The following FNDC7 variants were observed in gnomAD, a reference collection of about 807,000 sequenced individuals.
FNDC7 encodes fibronectin type III domain-containing protein 7.
FNDC7 carries 66 observed loss-of-function variants against 74.2 expected under a neutral mutation model. That is an observed-to-expected ratio of 0.89 (90% CI 0.73 to 1.09). The LOEUF (loss-of-function observed/expected upper bound fraction) is 1.09. Among genes scored for constraint, FNDC7 ranks in the 50% least tolerant of loss-of-function variants. The pLI, the probability that FNDC7 is intolerant of heterozygous loss-of-function variation, is 0.00. For missense variants in FNDC7, 829 were observed against 893.4 expected (o/e 0.93, Z 0.92); for synonymous variants, 307 against 330.2 (o/e 0.93, Z 0.76).
rs1263089639 is a variant in FNDC7 at position 108,729,003 on chromosome 1, G to A, written c.1624+117G>A. On this transcript the variant is annotated intron_variant, in intron 8 of 12. Transcript: ENST00000370017. ...GTGCAACAGAAATACATTAAACTCAGAGACGTTTCAAAGAGTCCCGGTCAT... is the reference window on the plus strand; with the variant it reads ...GTGCAACAGAAATACATTAAACTCAAAGACGTTTCAAAGAGTCCCGGTCAT... The A allele has an allele frequency of 3.8e-6, 5 of 1,320,706 alleles. No homozygotes were observed. In the East Asian group the frequency reaches 1.2e-4, roughly 31 times the overall value. 81.8% of individuals were successfully genotyped at this position (1,320,706 alleles called of 1,614,324 possible). A position where few individuals can be genotyped will look rare whatever the true frequency, so the allele number is the denominator to read the frequency against.
At chr1:108,717,424 A>G (rs1251023437) in intron 2 of FNDC7, among the ~76,000 whole-genome samples, 2 of 145,670 alleles carry the variant, frequency 1.4e-5, no homozygotes, top group Non-Finnish European at 3.0e-5. Context: ...GGAGTAGAAT[A>G]CTCTGGAAGA....
rs1321901083 is a variant in FNDC7, at chr1:108,733,306, G to T, written c.1914G>T (p.Arg638Ser). 6.2e-7 allele frequency: 1 copy of T among 1,614,018 alleles called. No individual in the cohort carries two copies. Among genetic ancestry groups the T allele is most frequent in the South Asian group, 1.1e-5 (1 of 91,082 alleles). Residue 638 changes from arginine to serine, a missense_variant, in exon 10 of 13, where the codon AGG becomes AGT. Physicochemically the swap from Arg to Ser is moderately radical, Grantham distance 110. Coordinates refer to ENST00000370017, the MANE Select transcript of FNDC7 (RefSeq NM_001144937.3). Reference sequence around the variant, plus strand: ...GCCCTTTGGGGGTGAAATTATATAGGCTGGGCCCTAATGGCATCCGGATCT... The same window carrying T: ...GCCCTTTGGGGGTGAAATTATATAGTCTGGGCCCTAATGGCATCCGGATCT... Reference protein sequence around the residue: ...ACCPLGVKLYRLGPNGIRIYW... With the variant: ...ACCPLGVKLYSLGPNGIRIYW...
chr1:108,715,231 T>C (rs1199406648), intron 2 of FNDC7, among the ~76,000 whole-genome samples: 1 of 152,206 alleles, frequency 6.6e-6, no homozygotes, highest in Non-Finnish European at 1.5e-5. Flanking sequence ...TGGGCTAATT[T>C]AGATCTCTTT....
chr1:108,714,826 C>T (rs1458804344), intron 2 of FNDC7, among the ~76,000 whole-genome samples: 2 of 151,932 alleles, frequency 1.3e-5, no homozygotes, highest in African/African-American at 4.8e-5. Context: ...ATCACCTGAC[C>T]TCATGATCCG....
rs377221440 is a variant in FNDC7, at chr1:108,717,936, C to T, written c.242C>T (p.Thr81Met). Reference protein sequence around the residue: ...TTVANSPGTVTGLKAATWYEI... With the variant: ...TTVANSPGTVMGLKAATWYEI... Reference sequence around the variant, plus strand: ...GTGGCCAATTCCCCAGGCACTGTGACGGGACTAAAGGCTGCAACCTGGTAT... The same window carrying T: ...GTGGCCAATTCCCCAGGCACTGTGATGGGACTAAAGGCTGCAACCTGGTAT... The change falls in exon 3 of 13, where the codon ACG (threonine) becomes ATG (methionine). Residue 81 changes from threonine (T) to methionine (M), a missense_variant. Thr to Met is a moderately conservative substitution (Grantham distance 81). Transcript: ENST00000370017. 9.0e-5 allele frequency: 140 copies of T among 1,551,714 alleles called. 1 individual carries two copies. Among genetic ancestry groups the T allele is most frequent in the Middle Eastern group, 6.7e-4 (4 of 5,992 alleles).
chr1:108,717,301 A>T (rs1165102617), intron 2 of FNDC7, among the ~76,000 whole-genome samples: 4 of 152,194 alleles, frequency 2.6e-5, no homozygotes, highest in Non-Finnish European at 2.9e-5. Context: ...GCAGCCACTG[A>T]GCGGAGGCAG....
chr1:108,715,107 G>A (rs888199712), intron 2 of FNDC7, among the ~76,000 whole-genome samples: 1 of 152,258 alleles, frequency 6.6e-6, no homozygotes, highest in Non-Finnish European at 1.5e-5. Context: ...CTTTTCAACA[G>A]ATAGAATGTG....
At chr1:108,724,768 T>A (rs751631710) in intron 5 of FNDC7, among the ~76,000 whole-genome samples, 5 of 148,884 alleles carry the variant, frequency 3.4e-5, no homozygotes, top group Non-Finnish European at 7.4e-5. Context: ...AAAAAAAAAT[T>A]AATTAATTAA....
intron 2 of FNDC7, among the ~76,000 whole-genome samples, chr1:108,716,136 T>G (rs11102287): frequency 0.24 from 36,634 of 152,054 alleles, 4,626 homozygotes; most frequent in Middle Eastern, 0.3. Context: ...CGGCCTCCTG[T>G]GTCTGTGGCC....
rs1334438178 is a variant in FNDC7, at chr1:108,720,663, G to A, written c.598+1614G>A. 2.6e-5 allele frequency among the ~76,000 whole-genome samples: 4 copies of A among 152,190 alleles called. No homozygotes were observed. In the East Asian group the frequency reaches 7.7e-4, roughly 29 times the overall value. On this transcript the variant is annotated intron_variant, in intron 4 of 12. Transcript: ENST00000370017. The stretch of plus-strand genomic sequence containing the variant: ...GCTAGGTTGGTTCCTTCTGAGGGAT[G>A]TGAGGAAGAATCTGTTCCAGGCCTC...
chr1:108,729,580 A>G (rs914627913), intron 8 of FNDC7, among the ~76,000 whole-genome samples: 3 of 152,158 alleles, frequency 2.0e-5, no homozygotes, highest in Non-Finnish European at 4.4e-5. Flanking sequence ...CTGACTTTCA[A>G]TTTCCTGATA....
chr1:108,722,554 G>T lies in FNDC7; in HGVS notation c.818G>T (p.Gly273Val), dbSNP rs1351181884. Reference protein sequence around the residue: ...LISVLASNDAGSSKSSSAMTL... With the variant: ...LISVLASNDAVSSKSSSAMTL... Reference sequence around the variant, plus strand: ...TCAGTTTTAGCAAGTAATGATGCTGGATCTAGCAAATCATCTTCAGCAATG... The same window carrying T: ...TCAGTTTTAGCAAGTAATGATGCTGTATCTAGCAAATCATCTTCAGCAATG... Residue 273 changes from glycine to valine, a missense_variant, in exon 5 of 13, where the codon GGA (glycine) becomes GTA (valine). Transcript: ENST00000370017. 1 of 1,614,074 alleles carries T rather than the reference G, an allele frequency of 6.2e-7. No homozygotes were observed. Among genetic ancestry groups the T allele is most frequent in the South Asian group, 1.1e-5 (1 of 91,058 alleles).
chr1:108,729,155 C>A (rs1661286211), intron 8 of FNDC7, among the ~76,000 whole-genome samples: 1 of 152,132 alleles, frequency 6.6e-6, no homozygotes, highest in Non-Finnish European at 1.5e-5. Flanking sequence ...ATTCATATTC[C>A]CCTATGATAT....
At chr1:108,716,321 GTGTGTGTGTGTGTGTGTGTGT>G (rs1660973801) in intron 2 of FNDC7, among the ~76,000 whole-genome samples, 10 of 92,836 alleles carry the variant, frequency 1.1e-4, no homozygotes, top group South Asian at 6.2e-4. Context: ...CAGAAGAGAG[GTGTGTGTGTGTGTGTGTGTGT>G]GTGTGTGTGT....
chr1:108,741,648 T>C, intron 11 of FNDC7, 125 bp from the exon 12 acceptor site: 1 of 958,860 alleles, frequency 1.0e-6, no homozygotes, highest in Non-Finnish European at 1.6e-6. Flanking sequence ...TTACTTGCCG[T>C]GAAGTGCTGC....
At chr1:108,718,349 C>T (rs1661022702) in intron 3 of FNDC7, among the ~76,000 whole-genome samples, 1 of 152,030 alleles carries the variant, frequency 6.6e-6, no homozygotes, top group Non-Finnish European at 1.5e-5. Context: ...AGGGATTTTG[C>T]TGCACTCTGA....
chr1:108,732,935 A>ATTTTT (rs370493264), intron 9 of FNDC7, among the ~76,000 whole-genome samples: 1 of 134,876 alleles, frequency 7.4e-6, no homozygotes, highest in Non-Finnish European at 1.6e-5. Flanking sequence ...CAACTGGCTA[A>ATTTTT]TTTTTTTTTT....
In FNDC7 at chr1:108,725,761, C is replaced by G. The variant is rs756383533; in HGVS notation, c.868C>G (p.Pro290Ala). The G allele has an allele frequency of 1.9e-6, 3 of 1,613,968 alleles. No individual in the cohort carries two copies. In the South Asian group the frequency reaches 3.3e-5, roughly 18 times the overall value. ...TGATCATTTCCTAGTTGCTTGTGCA[C>G]CCGGAAGAGTGACGATCCAAGAAGA... ...AMTLKTVACA[P>A]GRVTIQEDPP... Residue 290 changes from proline to alanine, a missense_variant, in exon 6 of 13, where the codon CCC becomes GCC. By Grantham distance (27) the Pro-to-Ala change is conservative. Coordinates refer to ENST00000370017, the MANE Select transcript of FNDC7 (RefSeq NM_001144937.3).
intron 5 of FNDC7, among the ~76,000 whole-genome samples, chr1:108,724,045 C>A (rs563752826): frequency 7.7e-4 from 117 of 151,986 alleles, no homozygotes; most frequent in African/African-American, 2.7e-3. Context: ...CTCCTGGGGC[C>A]CAGAAGTGTG....
Sources: gnomAD v4.1 joint callset for allele counts (sites outside exome capture counted in the v4.1 genomes callset) on GRCh38, gnomAD v4.1.1 for gene constraint, MANE v1.5 for transcripts, NCBI Gene and HGNC (gene_info 2026-07-23, HGNC 2026-07-21) for gene names.